Variants in JAKMIP3 observed in about 807,000 individuals in gnomAD.
JAKMIP3 encodes the protein Janus kinase and microtubule interacting protein 3.
A neutral mutation model predicts 118.5 loss-of-function variants in JAKMIP3; 58 were observed. That is an observed-to-expected ratio of 0.49 (90% CI 0.40 to 0.61). The LOEUF (loss-of-function observed/expected upper bound fraction) is 0.61, where lower values mean the gene tolerates loss of function less well. Among genes scored for constraint, JAKMIP3 ranks in the 20% least tolerant of loss-of-function variants. The pLI, the probability that JAKMIP3 is intolerant of heterozygous loss-of-function variation, is 0.00. For synonymous variants in JAKMIP3, 486 were observed against 451.2 expected (o/e 1.08, Z -0.98); for missense variants, 950 against 1,109.0 (o/e 0.86, Z 2.04).
chr10:132,135,849 T>C (rs1319309230), intron 5 of JAKMIP3, 81 bp from the exon 6 acceptor site: 1 of 1,444,182 alleles, frequency 6.9e-7, no homozygotes, highest in Non-Finnish European at 9.4e-7. Flanking sequence ...GCCCAAGCTG[T>C]GGTCAGTCAG....
intron 13 of JAKMIP3, among the ~76,000 whole-genome samples, chr10:132,146,473 C>T (rs113033256): frequency 0.02 from 2,975 of 152,134 alleles, 99 homozygotes; most frequent in African/African-American, 0.068. Context: ...GGCTACGGGT[C>T]CAGGGGCAGG....
intron 2 of JAKMIP3, among the ~76,000 whole-genome samples, chr10:132,116,137 A>T (rs186470563): frequency 9.2e-4 from 140 of 152,334 alleles, no homozygotes; most frequent in Non-Finnish European, 6.0e-4. Context: ...AAACAGTAAC[A>T]ACACAATCTC....
intron 1 of JAKMIP3, among the ~76,000 whole-genome samples, chr10:132,072,360 C>T (rs1384003421): frequency 6.6e-6 from 1 of 151,932 alleles, no homozygotes; most frequent in Admixed American, 6.6e-5. Context: ...GCCTGGGTAA[C>T]ATAGTGAAAC....
intron 20 of JAKMIP3, among the ~76,000 whole-genome samples, chr10:132,164,044 C>T (rs2058649170): frequency 6.6e-6 from 1 of 152,218 alleles, no homozygotes; most frequent in Non-Finnish European, 1.5e-5. Context: ...TGGATGTATT[C>T]CTTGTTAAGA....
chr10:132,101,349 C>T (rs1273498852), intron 1 of JAKMIP3, among the ~76,000 whole-genome samples: 1 of 152,100 alleles, frequency 6.6e-6, no homozygotes, highest in Non-Finnish European at 1.5e-5. Flanking sequence ...AGGACCGACC[C>T]CCCAACCCCA....
At chr10:132,106,738 T>C (rs978072136) in intron 2 of JAKMIP3, among the ~76,000 whole-genome samples, 2 of 152,244 alleles carry the variant, frequency 1.3e-5, no homozygotes, top group African/African-American at 4.8e-5. Flanking sequence ...AATGGGGAGT[T>C]GCCCCAAATG....
At chr10:132,149,302 T>A in intron 14 of JAKMIP3, 110 bp from the exon 15 acceptor site, 1 of 707,376 alleles carries the variant, frequency 1.4e-6, no homozygotes, top group Non-Finnish European at 2.4e-6. Flanking sequence ...AAATGCTGTG[T>A]TGATCCCTGG....
intron 19 of JAKMIP3, among the ~76,000 whole-genome samples, chr10:132,159,304 C>T (rs1205476027): frequency 9.2e-5 from 11 of 118,946 alleles, no homozygotes; most frequent in South Asian, 2.8e-4. Context: ...GGGCGCCTCT[C>T]CCTGTGTGAT....
chr10:132,097,914 C>T (rs1467126588), intron 1 of JAKMIP3, among the ~76,000 whole-genome samples: 3 of 26,778 alleles, frequency 1.1e-4, no homozygotes, highest in East Asian at 2.0e-3. Flanking sequence ...TCCCCTTCCC[C>T]TTCCCCTTTC....
At chr10:132,159,717 T>C (rs2057741198) in intron 19 of JAKMIP3, among the ~76,000 whole-genome samples, 2 of 100,004 alleles carry the variant, frequency 2.0e-5, no homozygotes, top group Non-Finnish European at 3.8e-5. Flanking sequence ...TGTGTGATGC[T>C]GGGGGCATGT....
chr10:132,076,220 C>T (rs1198076044), intron 1 of JAKMIP3, among the ~76,000 whole-genome samples: 1 of 151,262 alleles, frequency 6.6e-6, no homozygotes, highest in Non-Finnish European at 1.5e-5. Flanking sequence ...TCTGTAAATT[C>T]GCCTCTTCTG....
rs1349846652 is a variant in JAKMIP3 at position 132,180,614 on chromosome 10, TGC to T, written c.*1104-1741_*1104-1740del. On this transcript the variant is annotated intron_variant, in intron 23 of 23. Coordinates refer to ENST00000684848, the MANE Select transcript of JAKMIP3 (RefSeq NM_001323087.2). ...GTGTGTGTGCGTGCGCGTGTGTGTG[TGC>T]GTGTGTGTGCGTGTGTGCGTGCGTG... 2.0e-3 allele frequency among the ~76,000 whole-genome samples: 62 copies of T among 31,024 alleles called. 8 individuals are homozygous for T. The highest frequency in any genetic ancestry group is 5.1e-3 in the South Asian group (3 of 592). 20.4% of individuals were successfully genotyped at this position (31,024 alleles called of 152,430 possible).
chr10:132,157,684 G>A (rs962352034), intron 19 of JAKMIP3, among the ~76,000 whole-genome samples: 35 of 152,154 alleles, frequency 2.3e-4, no homozygotes, highest in African/African-American at 4.8e-4. Flanking sequence ...TCCACGCCAC[G>A]TCTGTTTGTA....
In JAKMIP3 at chr10:132,180,738, C is replaced by CGCGCGT. The variant is rs1565021635; in HGVS notation, c.*1104-1618_*1104-1617insCGCGTG. 3.7e-3 allele frequency among the ~76,000 whole-genome samples: 28 copies of CGCGCGT among 7,470 alleles called. 10 individuals carry two copies. Among genetic ancestry groups the CGCGCGT allele is most frequent in the East Asian group, 0.024 (6 of 252 alleles). The allele number at this position is 7,470 out of a possible 152,430, so 4.9% of individuals were successfully genotyped here. On this transcript the variant is annotated intron_variant, in intron 23 of 23. Coordinates refer to ENST00000684848, the MANE Select transcript of JAKMIP3 (RefSeq NM_001323087.2). Reference sequence around the variant, plus strand: ...GTGTGTGCGTGTGTGTGCGTGTGTGCGTGCGTGCGCGCGCGTGTGTGCGTG... The same window carrying CGCGCGT: ...GTGTGTGCGTGTGTGTGCGTGTGTGCGCGCGTGTGCGTGCGCGCGCGTGTGTGCGTG...
chr10:132,068,423 G>A (rs1227101434), intron 1 of JAKMIP3, among the ~76,000 whole-genome samples: 2 of 152,204 alleles, frequency 1.3e-5, no homozygotes, highest in African/African-American at 4.8e-5. Flanking sequence ...ACTAGCCACT[G>A]AGATGACTCT....
At chr10:132,171,404 C>T (rs1369003451) in intron 23 of JAKMIP3, among the ~76,000 whole-genome samples, 1 of 152,240 alleles carries the variant, frequency 6.6e-6, no homozygotes, top group Non-Finnish European at 1.5e-5. Flanking sequence ...CCGGCAGGTG[C>T]ACTGTGCGCC....
At chr10:132,037,438 G>A (rs892195412) in intron 1 of JAKMIP3, among the ~76,000 whole-genome samples, 1 of 152,148 alleles carries the variant, frequency 6.6e-6, no homozygotes, top group African/African-American at 2.4e-5. Context: ...CCTGGGATTC[G>A]CTTGCAGAAC....
chr10:132,079,211 G>A (rs1315310539), intron 1 of JAKMIP3, among the ~76,000 whole-genome samples: 1 of 143,994 alleles, frequency 6.9e-6, no homozygotes, highest in African/African-American at 2.6e-5. Flanking sequence ...TTCTGGTGGT[G>A]GGATCTGCAT....
chr10:132,121,770 C>T (rs1446828259), intron 3 of JAKMIP3, among the ~76,000 whole-genome samples: 5 of 152,124 alleles, frequency 3.3e-5, no homozygotes, highest in African/African-American at 1.2e-4. Context: ...TGCTACTTAG[C>T]GCCACACGCA....
Sources: allele counts gnomAD v4.1 joint callset (sites outside exome capture counted in the v4.1 genomes callset), GRCh38; gene constraint gnomAD v4.1.1; transcripts MANE v1.5; gene names NCBI Gene and HGNC (gene_info 2026-07-23, HGNC 2026-07-21).